The following PCTP variants were observed in gnomAD, a reference collection of about 807,000 sequenced individuals.
PCTP encodes START domain-containing protein 2.
In PCTP, 27 loss-of-function variants were observed where a neutral mutation model predicts 31.0. The ratio of observed to expected loss-of-function variants is 0.87; its 90% CI spans 0.64 to 1.20. The LOEUF (loss-of-function observed/expected upper bound fraction) is 1.20, where lower values mean the gene tolerates loss of function less well. Ranked by LOEUF, PCTP falls within the 50% of genes most tolerant of loss-of-function variation. PCTP has a pLI of 0.00. For synonymous variants in PCTP, 108 were observed against 101.2 expected (o/e 1.07, Z -0.40); for missense variants, 287 against 268.2 (o/e 1.07, Z -0.49).
At chr17:55,833,782 C>T (rs531319085) in intron 5 of PCTP, among the ~76,000 whole-genome samples, 1 of 152,250 alleles carries the variant, frequency 6.6e-6, no homozygotes, top group African/African-American at 2.4e-5. Flanking sequence ...TATTCTCATC[C>T]CCCGCTGAAA....
intron 2 of PCTP, among the ~76,000 whole-genome samples, chr17:55,768,545 G>T (rs1910812140): frequency 6.6e-6 from 1 of 152,148 alleles, no homozygotes; most frequent in African/African-American, 2.4e-5. Context: ...TTGTTGGGTT[G>T]GTTGGAGTAA....
chr17:55,818,365 G>T (rs570864742), intron 3 of PCTP, among the ~76,000 whole-genome samples: 5 of 152,298 alleles, frequency 3.3e-5, no homozygotes, highest in African/African-American at 9.6e-5. Context: ...GGCAACTGGT[G>T]CCCTGAGTTC....
chr17:55,847,936 T>C, the PCTP span, among the ~76,000 whole-genome samples: 1 of 152,138 alleles, frequency 6.6e-6, no homozygotes, highest in Non-Finnish European at 1.5e-5. Flanking sequence ...TTTTTGTTTT[T>C]TTTTGAGACA....
At position 55,776,066 on chromosome 17, in the gene PCTP, C is replaced by CAAG; in HGVS notation, c.613_615dup (p.Arg205dup). The CAAG allele has an allele frequency of 6.2e-7, 1 of 1,613,992 alleles. No homozygotes were observed. Among genetic ancestry groups the CAAG allele is most frequent in the African/African-American group, 1.3e-5 (1 of 75,036 alleles). On this transcript the variant is annotated inframe_insertion, in exon 6 of 6. Transcript: ENST00000268896. ...GTTCCTAACTTCTTGAAAGACATGG[C>CAAG]AAGAGCCTGTCAGAACTACCTCAAG... is the stretch of plus-strand genomic sequence containing the variant.
At chr17:55,837,849 A>G (rs1905827517) in intron 5 of PCTP, among the ~76,000 whole-genome samples, 1 of 152,142 alleles carries the variant, frequency 6.6e-6, no homozygotes, top group Non-Finnish European at 1.5e-5. Context: ...TCTTTTCAAA[A>G]TGCAAGCTGA....
At chr17:55,799,620 T>C (rs1912308693) in intron 3 of PCTP, among the ~76,000 whole-genome samples, 1 of 152,186 alleles carries the variant, frequency 6.6e-6, no homozygotes, top group Non-Finnish European at 1.5e-5. Flanking sequence ...GTCATTATGA[T>C]GCTAGCTAGT....
chr17:55,788,706 G>T (rs1020012029), intron 3 of PCTP, among the ~76,000 whole-genome samples: 1 of 152,150 alleles, frequency 6.6e-6, no homozygotes, highest in African/African-American at 2.4e-5. Context: ...AGGTGATGGG[G>T]TATCCAGGTG....
chr17:55,829,689 A>ACAC (rs1905529544), intron 5 of PCTP, among the ~76,000 whole-genome samples: 1 of 146,128 alleles, frequency 6.8e-6, no homozygotes, highest in East Asian at 2.0e-4. Context: ...TAATAATTTA[A>ACAC]ACACACACAC....
intron 2 of PCTP, chr17:55,769,217 G>A (rs1399969581): frequency 6.6e-6 from 1 of 152,220 alleles, no homozygotes; most frequent in Non-Finnish European, 1.5e-5. Context: ...TTCTAGGGAT[G>A]ACAGCCAGAT....
chr17:55,757,931 G>GT (rs1910133615), intron 1 of PCTP, among the ~76,000 whole-genome samples: 1 of 152,196 alleles, frequency 6.6e-6, no homozygotes, highest in Non-Finnish European at 1.5e-5. Flanking sequence ...TCTCCCTGAT[G>GT]TTTAAGTTAG....
intron 3 of PCTP, among the ~76,000 whole-genome samples, chr17:55,812,873 T>A (rs927576403): frequency 5.9e-5 from 9 of 152,220 alleles, no homozygotes; most frequent in Non-Finnish European, 1.2e-4. Context: ...AAGGATCCTT[T>A]AGTTAGAAAA....
chr17:55,772,989 A>G (rs984069514), intron 3 of PCTP, among the ~76,000 whole-genome samples: 2 of 152,246 alleles, frequency 1.3e-5, no homozygotes, highest in African/African-American at 4.8e-5. Context: ...TAAAGGCTCG[A>G]TAAGTAGTGA....
chr17:55,845,887 G>GTGT, downstream of PCTP, among the ~76,000 whole-genome samples: 1 of 143,064 alleles, frequency 7.0e-6, no homozygotes, highest in African/African-American at 2.6e-5. Flanking sequence ...AGAGGGTTGG[G>GTGT]GTGTGTGTGT....
intron 3 of PCTP, among the ~76,000 whole-genome samples, chr17:55,817,237 G>A (rs1020996269): frequency 1.3e-5 from 2 of 152,228 alleles, no homozygotes; most frequent in Non-Finnish European, 2.9e-5. Flanking sequence ...TTAAAACCAA[G>A]AGTCTTTTGG....
chr17:55,807,642 A>G lies in PCTP; in HGVS notation c.318-15119A>G, dbSNP rs185439280. 2.1e-3 allele frequency among the ~76,000 whole-genome samples: 315 copies of G among 152,312 alleles called. 1 individual carries two copies. The highest frequency in any genetic ancestry group is 7.3e-3 in the African/African-American group (305 of 41,588). On this transcript the variant is annotated intron_variant, in intron 3 of 3. Transcript: ENST00000572536. ...GTTAAAGCTTTAATATGAAGTCAAT[A>G]ATTAATCAAGTAATCAATATATAGT...
At chr17:55,756,334 C>A (rs1005249466) in intron 1 of PCTP, among the ~76,000 whole-genome samples, 2 of 152,130 alleles carry the variant, frequency 1.3e-5, no homozygotes, top group South Asian at 4.1e-4. Context: ...GAAAATAAAG[C>A]GAGATAAAAG....
chr17:55,809,269 T>C (rs1478813433), intron 3 of PCTP, among the ~76,000 whole-genome samples: 2 of 152,204 alleles, frequency 1.3e-5, no homozygotes, highest in African/African-American at 4.8e-5. Context: ...TAAATTTAGA[T>C]TGAGTTGACT....
At chr17:55,799,451 T>C (rs1912301674) in intron 3 of PCTP, among the ~76,000 whole-genome samples, 1 of 152,054 alleles carries the variant, frequency 6.6e-6, no homozygotes, top group African/African-American at 2.4e-5. Flanking sequence ...TCCCTTTGTT[T>C]TGAGCCTATG....
intron 3 of PCTP, among the ~76,000 whole-genome samples, chr17:55,814,427 G>A (rs115672881): frequency 3.2e-3 from 484 of 152,318 alleles, no homozygotes; most frequent in African/African-American, 9.6e-3. Context: ...TCTGCCCTCC[G>A]GAGGCTTGGC....
Sources: allele counts gnomAD v4.1 joint callset (sites outside exome capture counted in the v4.1 genomes callset), GRCh38; gene constraint gnomAD v4.1.1; transcripts MANE v1.5; gene names NCBI Gene and HGNC (gene_info 2026-07-23, HGNC 2026-07-21).